SYT16: variants seen among roughly 807,000 people sequenced by gnomAD.
SYT16 encodes the protein synaptotagmin 16.
Under a neutral mutation model 61.4 loss-of-function variants are expected in SYT16, and 42 were observed. The observed-to-expected ratio is 0.68, with a 90% CI of 0.53 to 0.89. SYT16 has a LOEUF of 0.89. Ranked by LOEUF, SYT16 falls within the 40% of genes least tolerant of loss-of-function variation. SYT16 has a pLI of 0.00. For missense variants in SYT16, 804 were observed against 807.3 expected (o/e 1.00, Z 0.05); for synonymous variants, 314 against 302.3 (o/e 1.04, Z -0.40).
At chr14:61,972,394 G>A in intron 2 of SYT16, among the ~76,000 whole-genome samples, 1 of 152,078 alleles carries the variant, frequency 6.6e-6, no homozygotes, top group Non-Finnish European at 1.5e-5. Flanking sequence ...AATAAGTTGA[G>A]GTTTTAAGAA....
intron 3 of SYT16, among the ~76,000 whole-genome samples, chr14:62,053,068 C>A (rs1383554265): frequency 6.6e-6 from 1 of 152,042 alleles, no homozygotes; most frequent in Non-Finnish European, 1.5e-5. Context: ...CTAGAAGACG[C>A]CAAAATTGTC....
chr14:61,905,093 G>C, intron 1 of SYT16, among the ~76,000 whole-genome samples: 1 of 152,076 alleles, frequency 6.6e-6, no homozygotes, highest in Non-Finnish European at 1.5e-5. Flanking sequence ...TTTCTTCCTT[G>C]TTCCTTCAAT....
intron 1 of SYT16, among the ~76,000 whole-genome samples, chr14:61,889,669 C>T (rs924568834): frequency 2.0e-5 from 3 of 151,828 alleles, no homozygotes; most frequent in African/African-American, 4.8e-5. Context: ...CTCACTTCTT[C>T]TCCACTCATG....
intron 3 of SYT16, among the ~76,000 whole-genome samples, chr14:62,027,142 A>G (rs746862721): frequency 2.6e-5 from 4 of 152,138 alleles, no homozygotes; most frequent in Non-Finnish European, 5.9e-5. Flanking sequence ...CCTTTATTTC[A>G]TTAAAAATAG....
At chr14:62,095,627 A>G (rs1042348025) in intron 7 of SYT16, among the ~76,000 whole-genome samples, 3 of 151,940 alleles carry the variant, frequency 2.0e-5, no homozygotes, top group Non-Finnish European at 2.9e-5. Flanking sequence ...ACATATCTAT[A>G]TATACTATGT....
intron 1 of SYT16, among the ~76,000 whole-genome samples, chr14:61,945,498 A>G (rs573849166): frequency 1.3e-5 from 2 of 152,246 alleles, no homozygotes; most frequent in South Asian, 2.1e-4. Flanking sequence ...ATGCCCATCA[A>G]TGATAGACTG....
chr14:62,083,234 T>C (rs2056769559), intron 6 of SYT16, among the ~76,000 whole-genome samples: 1 of 152,194 alleles, frequency 6.6e-6, no homozygotes, highest in African/African-American at 2.4e-5. Flanking sequence ...TGATTCCTTT[T>C]ATTGGTTCTA....
chr14:61,874,385 TG>T (rs1191605248), intron 1 of SYT16, among the ~76,000 whole-genome samples: 1 of 152,088 alleles, frequency 6.6e-6, no homozygotes, highest in Non-Finnish European at 1.5e-5. Flanking sequence ...TTTGTATGAG[TG>T]GGTTCCACAG....
chr14:62,024,665 C>T (rs76545742), intron 3 of SYT16, among the ~76,000 whole-genome samples: 9,612 of 151,996 alleles, frequency 0.063, 534 homozygotes, highest in African/African-American at 0.16. Flanking sequence ...TTTATATTAG[C>T]CTGCACTCTT....
intron 1 of SYT16, among the ~76,000 whole-genome samples, chr14:61,954,284 GTCA>G (rs1327004017): frequency 2.0e-5 from 3 of 146,940 alleles, no homozygotes; most frequent in Non-Finnish European, 4.5e-5. Context: ...CTTGTTGTGA[GTCA>G]GATGGCTGCA....
At chr14:61,842,110 C>T (rs1385777286) in intron 1 of SYT16, among the ~76,000 whole-genome samples, 1 of 152,112 alleles carries the variant, frequency 6.6e-6, no homozygotes, top group Non-Finnish European at 1.5e-5. Flanking sequence ...TACAGCCATG[C>T]AATGTGTAAT....
chr14:62,011,495 A>G (rs1364253482), intron 3 of SYT16, among the ~76,000 whole-genome samples: 1 of 152,162 alleles, frequency 6.6e-6, no homozygotes, highest in African/African-American at 2.4e-5. Context: ...AACTTTAGCA[A>G]TCTCTGAAGC....
chr14:61,857,816 A>G (rs568559489), intron 1 of SYT16, among the ~76,000 whole-genome samples: 6 of 152,306 alleles, frequency 3.9e-5, no homozygotes, highest in African/African-American at 1.4e-4. Context: ...ATGGGAACAC[A>G]AGCAATTCAT....
intron 1 of SYT16, among the ~76,000 whole-genome samples, chr14:61,894,466 A>C (rs1162841194): frequency 6.6e-6 from 1 of 152,154 alleles, no homozygotes; most frequent in African/African-American, 2.4e-5. Flanking sequence ...CTGCAGCTCA[A>C]TGAGAGGTGA....
Position 62,075,290 on chromosome 14 carries a change from C to G in SYT16, c.892C>G (p.Arg298Gly). 1 of 1,613,850 alleles carries G rather than the reference C, an allele frequency of 6.2e-7. No homozygotes were observed. The change falls in exon 5 of 8, where the codon CGC becomes GGC. Residue 298 changes from arginine (R) to glycine (G), a missense_variant. Coordinates refer to ENST00000683842, the MANE Select transcript of SYT16 (RefSeq NM_001367656.1). ...QESSVVQSLR[R>G]QSTEGSLEME... ...GTCCAGTGTGGTCCAAAGCCTCAGG[C>G]GCCAATCCACAGAGGGCAGCTTGGA...
intron 3 of SYT16, among the ~76,000 whole-genome samples, chr14:62,063,028 T>G (rs1336053120): frequency 6.6e-6 from 1 of 152,220 alleles, no homozygotes; most frequent in Non-Finnish European, 1.5e-5. Context: ...TTTTGTTTCC[T>G]TAAAAGAAGC....
intron 7 of SYT16, among the ~76,000 whole-genome samples, chr14:62,092,658 T>C (rs909881135): frequency 1.3e-5 from 2 of 151,650 alleles, no homozygotes; most frequent in African/African-American, 2.4e-5. Flanking sequence ...ATTCCACTTA[T>C]AAGAGGTATT....
chr14:61,954,094 T>C (rs1228434422), intron 1 of SYT16, among the ~76,000 whole-genome samples: 1 of 152,134 alleles, frequency 6.6e-6, no homozygotes, highest in Non-Finnish European at 1.5e-5. Context: ...ACCTCAGGCT[T>C]TCCTCATGTT....
intron 1 of SYT16, among the ~76,000 whole-genome samples, chr14:61,900,722 C>T (rs1387854468): frequency 6.6e-6 from 1 of 152,174 alleles, no homozygotes; most frequent in Admixed American, 6.6e-5. Context: ...GAACACCAGC[C>T]TTGCATGGTG....
Sources: allele counts gnomAD v4.1 joint callset (sites outside exome capture counted in the v4.1 genomes callset), GRCh38; gene constraint gnomAD v4.1.1; transcripts MANE v1.5; gene names NCBI Gene and HGNC (gene_info 2026-07-23, HGNC 2026-07-21).